Variants in NLGN1 observed in about 807,000 individuals in gnomAD.
NLGN1 encodes the protein neuroligin-1.
NLGN1 carries 12 observed loss-of-function variants against 65.5 expected under a neutral mutation model. The observed-to-expected ratio is 0.18, with a 90% confidence interval of 0.12 to 0.30. The LOEUF (loss-of-function observed/expected upper bound fraction) is 0.30, where lower values mean the gene tolerates loss of function less well. Among genes scored for constraint, NLGN1 ranks in the 10% least tolerant of loss-of-function variants. The pLI is 1.00. For synonymous variants in NLGN1, 350 were observed against 359.5 expected, an observed-to-expected ratio of 0.97 and a Z score of 0.30; for missense variants, 750 against 1,007.1, an observed-to-expected ratio of 0.74 and a Z score of 3.46.
chr3:173,949,723 A>G (rs1057425684), intron 4 of NLGN1, among the ~76,000 whole-genome samples: 2 of 152,200 alleles, frequency 1.3e-5, no homozygotes, highest in Non-Finnish European at 2.9e-5. Context: ...GTAATTCTAA[A>G]ATGAAAATTA....
chr3:174,030,380 T>G (rs1377788975), intron 4 of NLGN1, among the ~76,000 whole-genome samples: 1 of 152,134 alleles, frequency 6.6e-6, no homozygotes, highest in Non-Finnish European at 1.5e-5. Context: ...CGCCTCGGCC[T>G]CCCAAAGTGC....
chr3:174,074,752 C>T (rs962935622), intron 4 of NLGN1, among the ~76,000 whole-genome samples: 2 of 152,146 alleles, frequency 1.3e-5, no homozygotes, highest in Non-Finnish European at 2.9e-5. Flanking sequence ...TGATTCTTAG[C>T]GTGTAAGGGG....
At chr3:173,705,655 A>T (rs764454868) in intron 3 of NLGN1, among the ~76,000 whole-genome samples, 12 of 152,206 alleles carry the variant, frequency 7.9e-5, no homozygotes, top group Non-Finnish European at 1.8e-4. Flanking sequence ...TAGCAGGTCG[A>T]AAGTTTTGTT....
chr3:173,827,732 A>G (rs13075237), intron 4 of NLGN1, among the ~76,000 whole-genome samples: 25,006 of 151,414 alleles, frequency 0.17, 2,690 homozygotes, highest in African/African-American at 0.31. Context: ...AAGTCCCACC[A>G]TTTTCCATCT....
At chr3:173,845,350 A>G (rs956737197) in intron 4 of NLGN1, among the ~76,000 whole-genome samples, 2 of 152,168 alleles carry the variant, frequency 1.3e-5, no homozygotes. Context: ...ACTGGGAGAC[A>G]GTAAGCCAAA....
At chr3:173,405,621 T>C (rs1325861310) in intron 1 of NLGN1, among the ~76,000 whole-genome samples, 1 of 152,078 alleles carries the variant, frequency 6.6e-6, no homozygotes, top group Non-Finnish European at 1.5e-5. Context: ...GAAAGTATGA[T>C]TAAAATATAA....
At chr3:173,593,578 A>G (rs920948002) in intron 2 of NLGN1, among the ~76,000 whole-genome samples, 9 of 152,278 alleles carry the variant, frequency 5.9e-5, no homozygotes, top group Non-Finnish European at 1.3e-4. Flanking sequence ...AGTCTTATTG[A>G]CTTTTGAGCC....
Position 174,280,388 on chromosome 3 carries a change from A to G in NLGN1, c.1650-93A>G. 1 of 821,760 alleles carries G rather than the reference A, an allele frequency of 1.2e-6. No individual in the cohort carries two copies. 50.9% of individuals were successfully genotyped at this position (821,760 alleles called of 1,614,324 possible). ...TAAAACACAATCTAAAGCATTGCTG[A>G]GTCATCTATTTAATTATTAGATGTT... is the stretch of plus-strand genomic sequence containing the variant. On this transcript the variant is annotated intron_variant, in intron 6 of 6. Coordinates refer to ENST00000457714, the Ensembl canonical transcript of NLGN1. The surrounding 1 kb of genome is among the most constrained non-coding windows in gnomAD (Gnocchi z 4.9).
At position 174,168,683 on chromosome 3, in the gene NLGN1, G is replaced by A. The variant is rs564575979; in HGVS notation, c.647-106632G>A. Among the ~76,000 whole-genome samples, 65 of 152,246 alleles carry A rather than the reference G, an allele frequency of 4.3e-4. No individual in the cohort carries two copies. In the Middle Eastern group the frequency reaches 0.01, roughly 24 times the overall value. On this transcript the variant is annotated intron_variant, in intron 4 of 6. Transcript: ENST00000457714. ...GTCTCAGGCAATCAGCTGATTTGAC[G>A]ACTGTACAATGGTCTGAGCTCCCTG... is the stretch of plus-strand genomic sequence containing the variant.
At chr3:174,023,255 T>C (rs9808892) in intron 4 of NLGN1, among the ~76,000 whole-genome samples, 4,097 of 152,256 alleles carry the variant, frequency 0.027, 157 homozygotes, top group African/African-American at 0.08. Context: ...AGTTAAATAG[T>C]ATCATTTCCA....
chr3:173,753,638 A>G (rs1051047486), intron 3 of NLGN1, among the ~76,000 whole-genome samples: 2 of 152,070 alleles, frequency 1.3e-5, no homozygotes, highest in Admixed American at 6.6e-5. Context: ...TTCAATATCC[A>G]GAGTGATTAT....
intron 4 of NLGN1, among the ~76,000 whole-genome samples, chr3:173,831,847 T>C (rs1398009457): frequency 1.3e-5 from 2 of 152,200 alleles, no homozygotes; most frequent in Non-Finnish European, 2.9e-5. Context: ...TGCAGAGAAA[T>C]ATTTAGATTC....
At chr3:173,934,275 TTAG>T (rs907970185) in intron 4 of NLGN1, among the ~76,000 whole-genome samples, 8 of 148,716 alleles carry the variant, frequency 5.4e-5, no homozygotes, top group East Asian at 3.9e-4. Context: ...AGTATTAATA[TTAG>T]TAGTAGTTTT....
chr3:173,565,788 T>C (rs1231894622), intron 2 of NLGN1, among the ~76,000 whole-genome samples: 1 of 152,202 alleles, frequency 6.6e-6, no homozygotes, highest in Non-Finnish European at 1.5e-5. Context: ...CAATTTTTAT[T>C]TGAGCACAAT....
intron 4 of NLGN1, among the ~76,000 whole-genome samples, chr3:174,042,422 CCATGTGGA>C (rs1482164729): frequency 6.6e-6 from 1 of 152,012 alleles, no homozygotes; most frequent in Non-Finnish European, 1.5e-5. Flanking sequence ...TTATTTTTTA[CCATGTGGA>C]TATCTAATGA....
At chr3:174,232,234 A>G (rs1239030503) in intron 4 of NLGN1, among the ~76,000 whole-genome samples, 1 of 152,156 alleles carries the variant, frequency 6.6e-6, no homozygotes, top group African/African-American at 2.4e-5. Context: ...GGGGTTCACA[A>G]GGTGCTCGGT....
At chr3:173,495,737 T>A (rs1729914988) in intron 2 of NLGN1, among the ~76,000 whole-genome samples, 1 of 145,194 alleles carries the variant, frequency 6.9e-6, no homozygotes, top group Admixed American at 6.9e-5. Flanking sequence ...AAATACACCA[T>A]CTTAAGTGTA....
At chr3:173,686,364 T>G (rs912209537) in intron 3 of NLGN1, among the ~76,000 whole-genome samples, 1 of 152,172 alleles carries the variant, frequency 6.6e-6, no homozygotes, top group Non-Finnish European at 1.5e-5. Context: ...TTTTTCATTT[T>G]CAAAAGGGGG....
At chr3:173,616,987 T>G (rs1753208001) in intron 3 of NLGN1, among the ~76,000 whole-genome samples, 1 of 152,216 alleles carries the variant, frequency 6.6e-6, no homozygotes, top group Non-Finnish European at 1.5e-5. Context: ...CTTCTGTATA[T>G]TTCTCCCTTC....
Sources: allele counts gnomAD v4.1 joint callset (sites outside exome capture counted in the v4.1 genomes callset), GRCh38; gene constraint gnomAD v4.1.1; non-coding constraint Gnocchi (gnomAD v3.1); transcripts MANE v1.5; gene names NCBI Gene and HGNC (gene_info 2026-07-23, HGNC 2026-07-21).